The following SLC8A1 variants were observed in gnomAD, a reference collection of about 807,000 sequenced individuals.
SLC8A1 encodes sodium/calcium exchanger 1.
A neutral mutation model predicts 68.3 loss-of-function variants in SLC8A1; 18 were observed. That is an observed-to-expected ratio of 0.26 (90% CI 0.18 to 0.39). SLC8A1 has a LOEUF of 0.39. SLC8A1 is among the 10% of genes least tolerant of loss of function. The probability of loss-of-function intolerance (pLI) is 1.00; values close to 1 mark genes in which losing one functional copy is unlikely to be tolerated. For missense variants in SLC8A1, 985 were observed against 1,156.7 expected, an observed-to-expected ratio of 0.85 and a Z score of 2.15; for synonymous variants, 475 against 415.5, an observed-to-expected ratio of 1.14 and a Z score of -1.74.
chr2:40,309,243 G>A (rs1391985420), intron 2 of SLC8A1, among the ~76,000 whole-genome samples: 1 of 152,120 alleles, frequency 6.6e-6, no homozygotes, highest in African/African-American at 2.4e-5. Flanking sequence ...TTTTAGGCAG[G>A]AGCTGCATTT....
chr2:40,164,738 TC>T, intron 5 of SLC8A1, 115 bp downstream of exon 8: 1 of 1,362,596 alleles, frequency 7.3e-7, no homozygotes, highest in Non-Finnish European at 1.0e-6. Context: ...ACAAGCCAGT[TC>T]CTGAAATTAC....
intron 1 of SLC8A1, among the ~76,000 whole-genome samples, chr2:40,494,918 A>G (rs1351970145): frequency 3.4e-5 from 5 of 146,698 alleles, no homozygotes; most frequent in Non-Finnish European, 5.9e-5. Flanking sequence ...ATTTGCCCCT[A>G]TAACCCTAAA....
chr2:40,385,722 T>C (rs1322780023), intron 2 of SLC8A1, among the ~76,000 whole-genome samples: 1 of 151,380 alleles, frequency 6.6e-6, no homozygotes, highest in Non-Finnish European at 1.5e-5. Context: ...AGTTTTAAAC[T>C]TCATGCTTTT....
chr2:40,369,055 T>A (rs1368195723), intron 2 of SLC8A1, among the ~76,000 whole-genome samples: 1 of 152,066 alleles, frequency 6.6e-6, no homozygotes, highest in Non-Finnish European at 1.5e-5. Context: ...GATTAAAGAC[T>A]TAAATGTAAA....
intron 1 of SLC8A1, among the ~76,000 whole-genome samples, chr2:40,507,761 A>G (rs1706460395): frequency 6.6e-6 from 1 of 152,052 alleles, no homozygotes; most frequent in South Asian, 2.1e-4. Flanking sequence ...CAGAATTAAT[A>G]AATTAATACC....
intron 2 of SLC8A1, among the ~76,000 whole-genome samples, chr2:40,293,107 A>G (rs879638440): frequency 8.5e-5 from 13 of 152,218 alleles, no homozygotes; most frequent in Non-Finnish European, 1.5e-4. Flanking sequence ...TCTTCCTTGG[A>G]ATGCTTTTCC....
chr2:40,272,245 C>A (rs1192847481), intron 2 of SLC8A1, among the ~76,000 whole-genome samples: 3 of 152,154 alleles, frequency 2.0e-5, no homozygotes, highest in Non-Finnish European at 4.4e-5. Flanking sequence ...ATCCATTCAA[C>A]ACATGCTTAT....
chr2:40,268,641 G>A (rs949521149), intron 2 of SLC8A1, among the ~76,000 whole-genome samples: 4 of 152,138 alleles, frequency 2.6e-5, no homozygotes, highest in Non-Finnish European at 5.9e-5. Context: ...TCCTATGTAC[G>A]TGTATAAGGG....
intron 1 of SLC8A1, among the ~76,000 whole-genome samples, chr2:40,473,321 C>T (rs1330752573): frequency 5.3e-5 from 8 of 152,208 alleles, no homozygotes; most frequent in Non-Finnish European, 8.8e-5. Flanking sequence ...GTAAAATTTT[C>T]CTAAAATCCC....
intron 2 of SLC8A1, among the ~76,000 whole-genome samples, chr2:40,377,034 G>A (rs1180202448): frequency 6.6e-6 from 1 of 152,082 alleles, no homozygotes; most frequent in East Asian, 1.9e-4. Context: ...GTGAGGGGAT[G>A]TCACTCCTAA....
intron 2 of SLC8A1, among the ~76,000 whole-genome samples, chr2:40,358,255 T>C (rs1281586323): frequency 1.4e-5 from 2 of 147,144 alleles, no homozygotes; most frequent in African/African-American, 5.3e-5. Flanking sequence ...TTTTTAAAAT[T>C]AAAATCTGGG....
At chr2:40,222,151 G>A (rs1303863188) in intron 2 of SLC8A1, among the ~76,000 whole-genome samples, 2 of 152,052 alleles carry the variant, frequency 1.3e-5, no homozygotes, top group Non-Finnish European at 2.9e-5. Context: ...AAAACAGCAT[G>A]GTACTGGTAC....
chr2:40,152,245 T>G (rs1393165981), intron 6 of SLC8A1, among the ~76,000 whole-genome samples: 1 of 152,220 alleles, frequency 6.6e-6, no homozygotes, highest in African/African-American at 2.4e-5. Flanking sequence ...TGTATCACTC[T>G]CTTACATAAA....
intron 2 of SLC8A1, among the ~76,000 whole-genome samples, chr2:40,316,642 T>G (rs756296118): frequency 5.9e-5 from 9 of 152,138 alleles, no homozygotes; most frequent in Non-Finnish European, 7.4e-5. Flanking sequence ...AGATTTTGCC[T>G]GATAGTATTT....
At chr2:40,381,261 C>G (rs747314982) in intron 2 of SLC8A1, among the ~76,000 whole-genome samples, 1 of 151,974 alleles carries the variant, frequency 6.6e-6, no homozygotes, top group African/African-American at 2.4e-5. Context: ...GGGAGCCTTT[C>G]CCAATCCACT....
chr2:40,302,523 CATAT>C (rs370351909), intron 2 of SLC8A1, among the ~76,000 whole-genome samples: 3 of 146,766 alleles, frequency 2.0e-5, no homozygotes, highest in Admixed American at 1.4e-4. Flanking sequence ...ACATATATAA[CATAT>C]ATATTTACAC....
chr2:40,336,005 C>A (rs1435881289), intron 2 of SLC8A1, among the ~76,000 whole-genome samples: 1 of 152,198 alleles, frequency 6.6e-6, no homozygotes, highest in Non-Finnish European at 1.5e-5. Flanking sequence ...AGCTACACCT[C>A]AAACAAGTTG....
chr2:40,199,127 A>C (rs1267910352), intron 2 of SLC8A1, among the ~76,000 whole-genome samples: 1 of 151,844 alleles, frequency 6.6e-6, no homozygotes, highest in Non-Finnish European at 1.5e-5. Context: ...ATCCCATTTC[A>C]AAGTGAAGCT....
Position 40,195,333 on chromosome 2 carries a change from G to C in SLC8A1, c.1809-17478C>G, listed in dbSNP as rs561796606. On this transcript the variant is annotated intron_variant, in intron 2 of 7. Coordinates refer to ENST00000406785, the Ensembl canonical transcript of SLC8A1. ...ACTGGAGAATAGTTCAGAGACCGAT[G>C]ATCAACAAGCTTATTGGGATGCTGA... 2.9e-4 allele frequency among the ~76,000 whole-genome samples: 44 copies of C among 152,146 alleles called. 1 individual carries two copies. Among genetic ancestry groups the C allele is most frequent in the Non-Finnish European group, 5.6e-4 (38 of 67,974 alleles).
Sources: allele counts gnomAD v4.1 joint callset (sites outside exome capture counted in the v4.1 genomes callset), GRCh38; gene constraint gnomAD v4.1.1; transcripts MANE v1.5; gene names NCBI Gene and HGNC (gene_info 2026-07-23, HGNC 2026-07-21).